Variants in GSE1 observed in about 807,000 individuals in gnomAD.
The protein encoded by GSE1 is genetic suppressor element 1.
A neutral mutation model predicts 112.6 loss-of-function variants in GSE1; 32 were observed. The observed-to-expected ratio is 0.28, with a 90% CI of 0.21 to 0.38. GSE1 has a LOEUF of 0.38. Ranked by LOEUF, GSE1 falls within the 10% of genes least tolerant of loss-of-function variation. The probability of loss-of-function intolerance (pLI) is 1.00; values close to 1 mark genes in which losing one functional copy is unlikely to be tolerated. For synonymous variants in GSE1, 1,115 were observed against 735.6 expected (o/e 1.52, Z -8.35); for missense variants, 2,348 against 1,699.2 (o/e 1.38, Z -6.71).
At chr16:85,413,871 G>A (rs757431842) in intron 2 of GSE1, among the ~76,000 whole-genome samples, 2 of 152,148 alleles carry the variant, frequency 1.3e-5, no homozygotes, top group Non-Finnish European at 2.9e-5. Context: ...TACTGTTCTC[G>A]TGATAGTGAG....
At chr16:85,217,807 C>A (rs11649660) in intron 1 of GSE1, among the ~76,000 whole-genome samples, 1 of 152,040 alleles carries the variant, frequency 6.6e-6, no homozygotes, top group Non-Finnish European at 1.5e-5. Flanking sequence ...CTCCTGCCTC[C>A]TCCTCGAAGC....
At chr16:85,371,607 G>A (rs2047302795) in intron 2 of GSE1, among the ~76,000 whole-genome samples, 1 of 152,192 alleles carries the variant, frequency 6.6e-6, no homozygotes, top group Non-Finnish European at 1.5e-5. Flanking sequence ...CACTCCCTGG[G>A]CACATCCCAG....
rs373153476 is a variant in GSE1, at chr16:85,674,233, C to T, written c.*1694C>T. ...GCCCTTGGCCCTAGCCCTTGCTGCG[C>T]AGAACAGCTTGCTGGCAGCTGGCAT... On this transcript the variant is annotated 3_prime_UTR_variant, in exon 16 of 16. Coordinates refer to ENST00000253458, the MANE Select transcript of GSE1 (RefSeq NM_014615.5). 6.6e-6 allele frequency: 1 copy of T among 152,328 alleles called. No homozygotes were observed. The highest frequency in any genetic ancestry group is 6.5e-5 in the Admixed American group (1 of 15,292). The allele number at this position is 152,328 out of a possible 1,614,324, so 9.4% of individuals were successfully genotyped here. A position where few individuals can be genotyped will look rare whatever the true frequency, so the allele number is the denominator to read the frequency against.
At chr16:85,609,803 C>T (rs538088475), upstream of GSE1, among the ~76,000 whole-genome samples, 3 of 152,248 alleles carry the variant, frequency 2.0e-5, no homozygotes, top group East Asian at 1.9e-4. Context: ...TACAGGCACA[C>T]GCCACCATGC....
At chr16:85,449,798 A>G (rs1178291814) in intron 2 of GSE1, among the ~76,000 whole-genome samples, 1 of 152,188 alleles carries the variant, frequency 6.6e-6, no homozygotes, top group Non-Finnish European at 1.5e-5. Flanking sequence ...CTCCTGCAAA[A>G]TAGAAGGGTT....
chr16:85,639,024 G>A (rs1038404847), intron 2 of GSE1, among the ~76,000 whole-genome samples: 1 of 152,176 alleles, frequency 6.6e-6, no homozygotes, highest in Non-Finnish European at 1.5e-5. Flanking sequence ...CTAGAAGGAG[G>A]CTGCAGGTTT....
At chr16:85,478,548 T>C (rs115795342) in intron 2 of GSE1, among the ~76,000 whole-genome samples, 4,336 of 150,554 alleles carry the variant, frequency 0.029, 212 homozygotes, top group African/African-American at 0.1. Flanking sequence ...AAAAATTCCA[T>C]GGCCTGCCAT....
chr16:85,452,341 G>T (rs1465353677), intron 2 of GSE1, among the ~76,000 whole-genome samples: 4 of 152,178 alleles, frequency 2.6e-5, no homozygotes, highest in Non-Finnish European at 4.4e-5. Flanking sequence ...AATTAACAGC[G>T]GGTGCTGAGC....
chr16:85,254,088 C>T (rs73251980), intron 1 of GSE1, among the ~76,000 whole-genome samples: 128 of 152,290 alleles, frequency 8.4e-4, no homozygotes, highest in African/African-American at 3.0e-3. Flanking sequence ...ATCCGATTGC[C>T]AGCCCGTATG....
intron 1 of GSE1, among the ~76,000 whole-genome samples, chr16:85,322,604 C>T (rs1290706615): frequency 7.0e-6 from 1 of 142,296 alleles, no homozygotes; most frequent in African/African-American, 2.9e-5. Context: ...GGGCTGTTAT[C>T]TCCATTTTGC....
chr16:85,348,595 C>T (rs901672456), intron 1 of GSE1, among the ~76,000 whole-genome samples: 2 of 152,224 alleles, frequency 1.3e-5, no homozygotes, highest in African/African-American at 4.8e-5. Context: ...GGGCAAGGTG[C>T]TCTGTGCCTG....
At chr16:85,661,835 A>G in intron 9 of GSE1, 70 bp downstream of exon 9, 1 of 1,380,964 alleles carries the variant, frequency 7.2e-7, no homozygotes, top group Non-Finnish European at 9.6e-7. Context: ...CCTGCATGCC[A>G]GCCACCTGCC....
At chr16:85,286,018 G>A (rs1157003523) in intron 1 of GSE1, 1 of 152,470 alleles carries the variant, frequency 6.6e-6, no homozygotes, top group African/African-American at 2.4e-5. Flanking sequence ...AAGATGGAGG[G>A]GCTGGTGTCT....
In GSE1 at chr16:85,661,231, C is replaced by G; in HGVS notation, c.1726C>G (p.Gln576Glu). 6.2e-7 allele frequency: 1 copy of G among 1,612,310 alleles called. No homozygotes were observed. Among genetic ancestry groups the G allele is most frequent in the East Asian group, 2.2e-5 (1 of 44,882 alleles). Residue 576 changes from glutamine (Q) to glutamate (E), a missense_variant, in exon 9 of 16, where the codon CAG becomes GAG. Gln to Glu is a conservative substitution (Grantham distance 29, BLOSUM62 2). Coordinates refer to ENST00000253458, the MANE Select transcript of GSE1 (RefSeq NM_014615.5). The stretch of plus-strand genomic sequence containing the variant: ...ACCACCTCTGATTTCGCCCAAGCCC[C>G]AGCTCCATGCTGCACCCACGGCCCT... ...GPPPLISPKP[Q>E]LHAAPTALWN... is the part of the protein sequence containing the mutation.
chr16:85,321,825 T>C (rs543589938), intron 1 of GSE1, among the ~76,000 whole-genome samples: 1 of 150,980 alleles, frequency 6.6e-6, no homozygotes, highest in African/African-American at 2.4e-5. Context: ...AAGTTCTGCC[T>C]GTAACTGACG....
intron 1 of GSE1, among the ~76,000 whole-genome samples, chr16:85,182,930 C>A (rs1198223009): frequency 6.6e-6 from 1 of 152,152 alleles, no homozygotes; most frequent in East Asian, 1.9e-4. Flanking sequence ...CCTTCTCCTG[C>A]ACCACGCTCG....
intron 1 of GSE1, among the ~76,000 whole-genome samples, chr16:85,320,032 A>G (rs16975516): frequency 0.051 from 7,798 of 152,228 alleles, 359 homozygotes; most frequent in African/African-American, 0.12. Flanking sequence ...AAAACAAATT[A>G]CAGGTTCTCA....
At chr16:85,233,571 G>A (rs1214847777) in intron 1 of GSE1, among the ~76,000 whole-genome samples, 1 of 152,208 alleles carries the variant, frequency 6.6e-6, no homozygotes, top group Non-Finnish European at 1.5e-5. Context: ...CATGTATGCG[G>A]TGTGTGATAT....
intron 1 of GSE1, among the ~76,000 whole-genome samples, chr16:85,199,620 C>T (rs906367656): frequency 6.6e-6 from 1 of 152,218 alleles, no homozygotes; most frequent in African/African-American, 2.4e-5. Context: ...AGTTTTTTCT[C>T]CTGTGAAAAG....
Sources: gnomAD v4.1 joint callset for allele counts (sites outside exome capture counted in the v4.1 genomes callset) on GRCh38, gnomAD v4.1.1 for gene constraint, MANE v1.5 for transcripts, NCBI Gene and HGNC (gene_info 2026-07-23, HGNC 2026-07-21) for gene names.